Variants in AHCTF1 observed in about 807,000 individuals in gnomAD.
AHCTF1 encodes the protein protein ELYS.
AHCTF1 carries 24 observed loss-of-function variants against 248.4 expected under a neutral mutation model. That is an observed-to-expected ratio of 0.10 (90% CI 0.07 to 0.14). AHCTF1 has a LOEUF of 0.14. Among genes scored for constraint, AHCTF1 ranks in the 10% least tolerant of loss-of-function variants. The probability of loss-of-function intolerance (pLI) is 1.00; values close to 1 mark genes in which losing one functional copy is unlikely to be tolerated. For synonymous variants in AHCTF1, 786 were observed against 929.8 expected, an observed-to-expected ratio of 0.85 and a Z score of 2.81; for missense variants, 2,206 against 2,636.2, an observed-to-expected ratio of 0.84 and a Z score of 3.57.
At chr1:246,909,079 A>ATATT (rs1553302563) in intron 4 of AHCTF1, among the ~76,000 whole-genome samples, 1 of 143,242 alleles carries the variant, frequency 7.0e-6, no homozygotes, top group Non-Finnish European at 1.5e-5. Context: ...ATATATATCT[A>ATATT]TATCTATCTA....
chr1:246,862,012 C>G lies in AHCTF1; in HGVS notation c.3682G>C (p.Glu1228Gln). Reference sequence around the variant, plus strand: ...TCTTCCACAAATGAAATTCTAGTTTCTTTAAGTCGTTGAGGAGACCTTCCA... The same window carrying G: ...TCTTCCACAAATGAAATTCTAGTTTGTTTAAGTCGTTGAGGAGACCTTCCA... ...SPGRSPQRLK[E>Q]TRISFVEEDV... The change falls in exon 28 of 36, where the codon GAA becomes CAA. Residue 1228 changes from glutamate (E) to glutamine (Q), a missense_variant. Transcript: ENST00000648844. The G allele has an allele frequency of 6.2e-7, 1 of 1,613,512 alleles. No individual in the cohort carries two copies. The highest frequency in any genetic ancestry group is 1.3e-5 in the African/African-American group (1 of 75,018).
intron 14 of AHCTF1, 120 bp downstream of exon 14, chr1:246,894,539 C>G: frequency 1.2e-6 from 1 of 831,396 alleles, no homozygotes; most frequent in Non-Finnish European, 1.9e-6. Flanking sequence ...AAGACTCAGT[C>G]TCAAAAAAAG....
rs764806558 is a variant in AHCTF1 at position 246,864,085 on chromosome 1, G to A, written c.3379C>T (p.Arg1127Trp). Residue 1127 changes from arginine to tryptophan, a missense_variant, in exon 27 of 36, where the codon CGG becomes TGG. This residue lies in a region of AHCTF1 where 955 missense variants were observed against 1,055.6 expected (regional missense o/e 0.90). Coordinates refer to ENST00000648844, the MANE Select transcript of AHCTF1 (RefSeq NM_001323342.2). The part of the protein sequence containing the change: ...LLDLVVQPVP[R>W]PSQCSEFIQQ... The stretch of plus-strand genomic sequence containing the variant: ...ATAAACTCCGAACACTGAGAAGGCC[G>A]GGGGACAGGCTGAACAACCAAATCT... 4.3e-6 allele frequency: 7 copies of A among 1,614,028 alleles called. No homozygotes were observed. The highest frequency in any genetic ancestry group is 2.2e-5 in the East Asian group (1 of 44,866).
At chr1:246,919,395 C>T (rs1414517993) in intron 1 of AHCTF1, among the ~76,000 whole-genome samples, 1 of 152,088 alleles carries the variant, frequency 6.6e-6, no homozygotes, top group Non-Finnish European at 1.5e-5. Flanking sequence ...AAATGTGTGG[C>T]CAGAATTCAA....
intron 1 of AHCTF1, chr1:246,931,304 C>A (rs1329214225): frequency 6.5e-7 from 1 of 1,547,070 alleles, no homozygotes; most frequent in Non-Finnish European, 8.7e-7. Context: ...AGGACGCGAA[C>A]CACCAGCGCC....
intron 33 of AHCTF1, among the ~76,000 whole-genome samples, chr1:246,847,637 C>A (rs1660377231): frequency 6.6e-6 from 1 of 152,118 alleles, no homozygotes; most frequent in African/African-American, 2.4e-5. Context: ...GTAGCTGGGA[C>A]CACAAGCCTA....
At chr1:246,920,460 T>C (rs1299712545) in intron 1 of AHCTF1, among the ~76,000 whole-genome samples, 7 of 151,980 alleles carry the variant, frequency 4.6e-5, no homozygotes, top group African/African-American at 1.4e-4. Flanking sequence ...TGCAACAATA[T>C]GAATGAATGT....
At chr1:246,929,925 G>A (rs1023955373) in intron 1 of AHCTF1, among the ~76,000 whole-genome samples, 47 of 152,020 alleles carry the variant, frequency 3.1e-4, no homozygotes, top group Admixed American at 4.6e-4. Context: ...GGTGGCGTGC[G>A]CCTGTAATCC....
intron 24 of AHCTF1, among the ~76,000 whole-genome samples, chr1:246,873,746 A>C (rs1662759099): frequency 1.3e-5 from 2 of 152,220 alleles, no homozygotes; most frequent in Non-Finnish European, 2.9e-5. Context: ...CAAGCCATGC[A>C]ATTTGTGGTG....
chr1:246,925,259 C>T (rs183420176), intron 1 of AHCTF1, among the ~76,000 whole-genome samples: 1 of 152,290 alleles, frequency 6.6e-6, no homozygotes, highest in African/African-American at 2.4e-5. Flanking sequence ...GATCCCTATA[C>T]TTCAATCAAA....
Position 246,890,002 on chromosome 1 carries a change from T to C in AHCTF1, c.2108A>G (p.Tyr703Cys), listed in dbSNP as rs760183202. 4 of 1,612,684 alleles carry C rather than the reference T, an allele frequency of 2.5e-6. No homozygotes were observed. The highest frequency in any genetic ancestry group is 1.1e-5 in the South Asian group (1 of 90,982). Residue 703 changes from tyrosine (Y) to cysteine (C), a missense_variant, in exon 17 of 36, where the codon TAC (tyrosine) becomes TGC (cysteine). Around this residue, in one of 6 missense-constraint regions of AHCTF1, gnomAD observed 650 missense variants for 870.8 expected, o/e 0.75. Transcript: ENST00000648844. ...CTCAAACTTCTGTCGACGACTGGTG[T>C]AGTAGTTCTGAATTACAGGGTAGTT... ...CYNYPVIQNY[Y>C]TSRRQKFERL... is the part of the protein sequence containing the mutation.
chr1:246,862,068 G>A lies in AHCTF1; in HGVS notation c.3626C>T (p.Ser1209Leu), dbSNP rs1661596730. The part of the protein sequence containing the change: ...PQSILRSTLR[S>L]TPLASPSPSP... ...TGGAGAGGGAGATGCTAAAGGTGTT[G>A]ATCGAAGAGTAGACCTCAGGATGGA... is the stretch of plus-strand genomic sequence containing the variant. The change falls in exon 28 of 36, where the codon TCA becomes TTA. Residue 1209 changes from serine to leucine, a missense_variant. Transcript: ENST00000648844. The A allele has an allele frequency of 6.2e-7, 1 of 1,612,080 alleles. No individual in the cohort carries two copies. Among genetic ancestry groups the A allele is most frequent in the African/African-American group, 1.3e-5 (1 of 74,878 alleles).
At chr1:246,841,802 A>AT (rs1553282102) in intron 35 of AHCTF1, among the ~76,000 whole-genome samples, 1 of 151,530 alleles carries the variant, frequency 6.6e-6, no homozygotes, top group Non-Finnish European at 1.5e-5. Context: ...TTATTTATCT[A>AT]TTTTTTTGAG....
intron 24 of AHCTF1, among the ~76,000 whole-genome samples, chr1:246,873,470 C>T (rs556050644): frequency 4.0e-5 from 6 of 150,636 alleles, no homozygotes; most frequent in East Asian, 2.0e-4. Context: ...GGAAAGAATC[C>T]GTCCCAATAC....
Position 246,931,034 on chromosome 1 carries a change from T to C in AHCTF1, c.-8+544A>G, listed in dbSNP as rs1667313288. On this transcript the variant is annotated intron_variant, in intron 1 of 35. Coordinates refer to ENST00000648844, the MANE Select transcript of AHCTF1 (RefSeq NM_001323342.2). ...GAAGGCAAAGCACCCCAAGATGTGC[T>C]TTTATTTTAAATCTCCTTGATCTGA... 2.1e-6 allele frequency: 3 copies of C among 1,463,034 alleles called. No individual in the cohort carries two copies. In the South Asian group the frequency reaches 4.1e-5, roughly 20 times the overall value. The allele number at this position is 1,463,034 out of a possible 1,614,324, so 90.6% of individuals were successfully genotyped here.
intron 25 of AHCTF1, 148 bp from the exon 26 acceptor site, chr1:246,867,499 G>T: frequency 9.1e-7 from 1 of 1,103,842 alleles, no homozygotes; most frequent in Non-Finnish European, 1.3e-6. Flanking sequence ...ACTTTTAAAG[G>T]TTTTTAAAAA....
At chr1:246,928,428 C>CT (rs750016817) in intron 1 of AHCTF1, among the ~76,000 whole-genome samples, 4 of 151,952 alleles carry the variant, frequency 2.6e-5, no homozygotes, top group African/African-American at 4.8e-5. Context: ...TGCCTTTGGA[C>CT]TAACAGGTCC....
chr1:246,843,562 A>G (rs1395514000), intron 34 of AHCTF1, among the ~76,000 whole-genome samples: 1 of 152,226 alleles, frequency 6.6e-6, no homozygotes, highest in African/African-American at 2.4e-5. Context: ...CTGCTGGTAA[A>G]ATATGATCAG....
intron 27 of AHCTF1, among the ~76,000 whole-genome samples, chr1:246,863,645 A>C (rs927951605): frequency 6.6e-6 from 1 of 152,218 alleles, no homozygotes; most frequent in South Asian, 2.1e-4. Flanking sequence ...TGAAATAAAA[A>C]CAAACTCAAG....
Sources: gnomAD v4.1 joint callset for allele counts (sites outside exome capture counted in the v4.1 genomes callset) on GRCh38, gnomAD v4.1.1 for gene constraint, gnomAD v4.1.1 regional missense constraint, MANE v1.5 for transcripts, NCBI Gene and HGNC (gene_info 2026-07-23, HGNC 2026-07-21) for gene names.